The following PARP16 variants were observed in gnomAD, a reference collection of about 807,000 sequenced individuals.
PARP16 encodes protein mono-ADP-ribosyltransferase PARP16.
In PARP16, 31 loss-of-function variants were observed where a neutral mutation model predicts 35.0. The observed-to-expected ratio is 0.88, with a 90% CI of 0.66 to 1.19. The LOEUF is 1.19. Ranked by LOEUF, PARP16 falls within the 50% of genes most tolerant of loss-of-function variation. The pLI, the probability that PARP16 is intolerant of heterozygous loss-of-function variation, is 0.00. For missense variants in PARP16, 424 were observed against 411.2 expected (o/e 1.03, Z -0.27); for synonymous variants, 162 against 169.5 (o/e 0.96, Z 0.34).
downstream of PARP16, among the ~76,000 whole-genome samples, chr15:65,257,158 TG>T (rs2089538703): frequency 6.6e-6 from 1 of 152,122 alleles, no homozygotes; most frequent in Non-Finnish European, 1.5e-5. Flanking sequence ...GGCTCACACC[TG>T]TAATCCCAGT....
chr15:65,250,106 CCT>C (rs202091218), intron 2 of PARP16, among the ~76,000 whole-genome samples: 12,849 of 103,866 alleles, frequency 0.12, 2,271 homozygotes, highest in Admixed American at 0.22. Flanking sequence ...CACCTGCTTG[CCT>C]TTTTTTTTTT....
At chr15:65,256,812 C>T (rs2089526375), downstream of PARP16, among the ~76,000 whole-genome samples, 2 of 152,274 alleles carry the variant, frequency 1.3e-5, no homozygotes, top group East Asian at 3.9e-4. Context: ...TTAGCTTCTC[C>T]AAGAACTTCA....
intron 1 of PARP16, among the ~76,000 whole-genome samples, chr15:65,271,933 G>C (rs1486648893): frequency 6.6e-6 from 1 of 152,230 alleles, no homozygotes; most frequent in Non-Finnish European, 1.5e-5. Flanking sequence ...TGGCCTGGGA[G>C]GAACTGTAAA....
intron 1 of PARP16, among the ~76,000 whole-genome samples, chr15:65,284,706 A>T (rs2090528527): frequency 6.6e-6 from 1 of 151,952 alleles, no homozygotes; most frequent in South Asian, 2.1e-4. Flanking sequence ...CTCTGTGTAA[A>T]ACTGGGAATT....
downstream of PARP16, among the ~76,000 whole-genome samples, chr15:65,255,757 A>G (rs995059363): frequency 1.5e-4 from 22 of 151,326 alleles, no homozygotes; most frequent in Non-Finnish European, 2.4e-4. Flanking sequence ...AAAAAAAAAA[A>G]AAAAGAAAAA....
At chr15:65,241,294 C>T (rs1216570366) in intron 3 of PARP16, among the ~76,000 whole-genome samples, 1 of 151,452 alleles carries the variant, frequency 6.6e-6, no homozygotes, top group Non-Finnish European at 1.5e-5. Flanking sequence ...GCGTGTGCCA[C>T]CACACCCAGC....
At chr15:65,249,306 C>T (rs1204237666) in intron 2 of PARP16, among the ~76,000 whole-genome samples, 1 of 152,184 alleles carries the variant, frequency 6.6e-6, no homozygotes, top group Non-Finnish European at 1.5e-5. Context: ...AATCTAATTC[C>T]CCAGGCAGCC....
chr15:65,261,989 A>G (rs771072376), intron 4 of PARP16, among the ~76,000 whole-genome samples: 51 of 152,258 alleles, frequency 3.3e-4, no homozygotes, highest in Non-Finnish European at 6.6e-4. Context: ...AAGAATTATA[A>G]ATGCAAATAT....
intron 3 of PARP16, among the ~76,000 whole-genome samples, chr15:65,244,692 G>A (rs377575041): frequency 1.2e-4 from 18 of 152,324 alleles, no homozygotes; most frequent in African/African-American, 4.3e-4. Flanking sequence ...TGTCTGTCTT[G>A]TTTATGGCTG....
In PARP16 at chr15:65,264,680, T is replaced by A. The variant is rs550776757; in HGVS notation, c.520-1360A>T. On this transcript the variant is annotated intron_variant, in intron 3 of 5. Transcript: ENST00000649807. ...TCCATTCTCTGCTTATGCCATCATG[T>A]GTTCACCCTTCCTTAGACTTGAGAA... 5.9e-5 allele frequency among the ~76,000 whole-genome samples: 9 copies of A among 152,342 alleles called. No individual in the cohort carries two copies. The South Asian group carries it at 1.9e-3, about 32-fold the overall frequency.
chr15:65,285,576 C>T, intron 1 of PARP16: 1 of 328,242 alleles, frequency 3.0e-6, no homozygotes, highest in Non-Finnish European at 6.0e-6. Context: ...TTGACAGGTC[C>T]CAAAGATACA....
rs200287977 is a variant in PARP16 at position 65,259,562 on chromosome 15, G to C, written c.834-20C>G. The C allele has an allele frequency of 2.0e-4, 317 of 1,610,890 alleles. No homozygotes were observed. Among genetic ancestry groups the C allele is most frequent in the Non-Finnish European group, 2.4e-4 (286 of 1,178,262 alleles). ...GAAGCCCTGCTTAAGAGGGAAAAAA[G>C]AGTGGTGTTGGCAAAAAGAGAAAAA... On this transcript the variant is annotated intron_variant, in intron 5 of 5. Transcript: ENST00000649807.
chr15:65,253,120 T>C (rs2089401920), downstream of PARP16, among the ~76,000 whole-genome samples: 1 of 141,912 alleles, frequency 7.0e-6, no homozygotes, highest in Non-Finnish European at 1.5e-5. Flanking sequence ...GAGACAAGAG[T>C]GAAACTCCGT....
chr15:65,268,577 C>T (rs555178143), intron 2 of PARP16, among the ~76,000 whole-genome samples: 1 of 152,280 alleles, frequency 6.6e-6, no homozygotes, highest in South Asian at 2.1e-4. Context: ...TCTTGAGTAG[C>T]TGGGACTATA....
At chr15:65,269,287 C>A (rs548628310) in intron 2 of PARP16, among the ~76,000 whole-genome samples, 1 of 151,920 alleles carries the variant, frequency 6.6e-6, no homozygotes. Flanking sequence ...ACTTCCGCCT[C>A]CCGGCTTCAA....
downstream of PARP16, among the ~76,000 whole-genome samples, chr15:65,253,452 T>C (rs1342916528): frequency 2.0e-5 from 3 of 150,734 alleles, no homozygotes; most frequent in East Asian, 6.0e-4. Context: ...TGCCTCAGCC[T>C]CCCAAGTAGC....
chr15:65,256,938 G>A (rs2089531392), downstream of PARP16, among the ~76,000 whole-genome samples: 1 of 152,196 alleles, frequency 6.6e-6, no homozygotes, highest in African/African-American at 2.4e-5. Context: ...AAATCAGTCT[G>A]CCAGGTTCAA....
At chr15:65,267,642 A>T (rs1302114105) in intron 2 of PARP16, among the ~76,000 whole-genome samples, 2 of 149,176 alleles carry the variant, frequency 1.3e-5, no homozygotes, top group East Asian at 2.0e-4. Context: ...AATAATAATT[A>T]AAAAAATAAG....
chr15:65,232,618 C>A (rs2088791332), downstream of PARP16, among the ~76,000 whole-genome samples: 1 of 152,116 alleles, frequency 6.6e-6, no homozygotes, highest in South Asian at 2.1e-4. Context: ...AAATTACTCA[C>A]CGGACCAGGC....
Sources: gnomAD v4.1 joint callset for allele counts (sites outside exome capture counted in the v4.1 genomes callset) on GRCh38, gnomAD v4.1.1 for gene constraint, MANE v1.5 for transcripts, NCBI Gene and HGNC (gene_info 2026-07-23, HGNC 2026-07-21) for gene names.